EIF2S1: variants seen among roughly 807,000 people sequenced by gnomAD.
The protein encoded by EIF2S1 is eukaryotic translation initiation factor 2 subunit alpha, also known as eukaryotic translation initiation factor 2 subunit 1.
EIF2S1 carries 5 observed loss-of-function variants against 33.5 expected under a neutral mutation model. That is an observed-to-expected ratio of 0.15 (90% CI 0.08 to 0.31). The LOEUF (loss-of-function observed/expected upper bound fraction) is 0.31. Among genes scored for constraint, EIF2S1 ranks in the 10% least tolerant of loss-of-function variants. EIF2S1 has a pLI of 1.00. For synonymous variants in EIF2S1, 99 were observed against 127.5 expected, an observed-to-expected ratio of 0.78 and a Z score of 1.51; for missense variants, 191 against 384.6, an observed-to-expected ratio of 0.50 and a Z score of 4.21.
At position 67,383,562 on chromosome 14, in the gene EIF2S1, A is replaced by G. The variant is rs2085902052; in HGVS notation, c.*122A>G. On this transcript the variant is annotated 3_prime_UTR_variant, in exon 8 of 8. Transcript: ENST00000256383. ...AGCTGAATATTTTTTATTTCTAAGT[A>G]TTTAAATGTTCTAACAGATCAGAAC... 7.2e-7 allele frequency: 1 copy of G among 1,389,262 alleles called. No individual in the cohort carries two copies. Among genetic ancestry groups the G allele is most frequent in the Non-Finnish European group, 9.8e-7 (1 of 1,016,042 alleles). The allele number at this position is 1,389,262 out of a possible 1,614,324, so 86.1% of individuals were successfully genotyped here.
At chr14:67,366,677 A>T (rs945629853) in intron 2 of EIF2S1, among the ~76,000 whole-genome samples, 3 of 152,194 alleles carry the variant, frequency 2.0e-5, no homozygotes, top group East Asian at 3.9e-4. Context: ...TGTAGAGAGG[A>T]TTCATTTTGA....
chr14:67,369,104 AG>A (rs1308266754), intron 2 of EIF2S1, among the ~76,000 whole-genome samples: 12 of 152,226 alleles, frequency 7.9e-5, no homozygotes, highest in African/African-American at 2.7e-4. Flanking sequence ...AGAGATTGTT[AG>A]GATGAATTAA....
rs755970548 is a variant in EIF2S1 at position 67,364,953 on chromosome 14, C to T, written c.186C>T (p.Leu62=). 6.2e-6 allele frequency: 10 copies of T among 1,613,962 alleles called. No individual in the cohort carries two copies. Among genetic ancestry groups the T allele is most frequent in the South Asian group, 2.2e-5 (2 of 91,068 alleles). ...GGCGTATCCGTTCTATCAACAAACT[C>T]ATCCGAATTGGCAGGAATGAGTGTG... ...SRRRIRSINK[L]IRIGRNECVV... is the part of the protein sequence containing the mutation. Residue 62 remains leucine (L), a synonymous_variant, in exon 2 of 8, where the codon CTC becomes CTT. Coordinates refer to ENST00000256383, the MANE Select transcript of EIF2S1 (RefSeq NM_004094.5).
intron 3 of EIF2S1, among the ~76,000 whole-genome samples, chr14:67,375,880 T>C (rs1047651495): frequency 4.6e-5 from 7 of 152,198 alleles, no homozygotes; most frequent in Admixed American, 2.6e-4. Context: ...AAAATGAGTG[T>C]GTTAATAGAT....
chr14:67,380,061 T>C (rs938600369), intron 4 of EIF2S1, among the ~76,000 whole-genome samples: 1 of 152,218 alleles, frequency 6.6e-6, no homozygotes, highest in Non-Finnish European at 1.5e-5. Flanking sequence ...CCCAGCCTTA[T>C]GTATCATAAC....
Position 67,385,125 on chromosome 14 carries a change from A to G in EIF2S1, c.*1685A>G, listed in dbSNP as rs2085913281. 6.6e-6 allele frequency: 1 copy of G among 152,220 alleles called. No individual in the cohort carries two copies. Among genetic ancestry groups the G allele is most frequent in the African/African-American group, 2.4e-5 (1 of 41,446 alleles). The allele number at this position is 152,220 out of a possible 1,614,324, so 9.4% of individuals were successfully genotyped here. ...TTTGTAAATTGACCCTAGCCAGAGA[A>G]TAGATCAGTATTTCACTGATACCAC... On this transcript the variant is annotated 3_prime_UTR_variant, in exon 8 of 8. Coordinates refer to ENST00000256383, the MANE Select transcript of EIF2S1 (RefSeq NM_004094.5).
chr14:67,361,912 T>C (rs551903209), intron 1 of EIF2S1, among the ~76,000 whole-genome samples: 1 of 152,368 alleles, frequency 6.6e-6, no homozygotes, highest in East Asian at 1.9e-4. Flanking sequence ...TTCCTGTTCA[T>C]TGCTTCACTG....
intron 2 of EIF2S1, among the ~76,000 whole-genome samples, chr14:67,366,466 G>A (rs530574859): frequency 6.6e-6 from 1 of 152,292 alleles, no homozygotes; most frequent in East Asian, 1.9e-4. Flanking sequence ...ACTTGCTTAC[G>A]TACAGTAGAT....
chr14:67,370,783 T>C (rs1200903368), intron 2 of EIF2S1, among the ~76,000 whole-genome samples: 3 of 152,154 alleles, frequency 2.0e-5, no homozygotes, highest in African/African-American at 7.2e-5. Flanking sequence ...TCCAGCACTT[T>C]GGGAGGTTGA....
At chr14:67,364,611 C>T (rs1566609278) in intron 1 of EIF2S1, 156 bp from the exon 2 acceptor site, 8 of 686,542 alleles carry the variant, frequency 1.2e-5, no homozygotes, top group Admixed American at 3.5e-5. Flanking sequence ...TATCTGTTTT[C>T]TGGTACCACT....
At chr14:67,381,006 AAG>A (rs2085885016) in intron 5 of EIF2S1, among the ~76,000 whole-genome samples, 1 of 152,136 alleles carries the variant, frequency 6.6e-6, no homozygotes, top group South Asian at 2.1e-4. Flanking sequence ...TTTTTTTAAA[AAG>A]AGGGGTTTGA....
Position 67,374,602 on chromosome 14 carries a change from T to A in EIF2S1, c.321+55T>A, listed in dbSNP as rs116061873. 1,227 of 1,240,412 alleles carry A rather than the reference T, an allele frequency of 9.9e-4. 10 individuals carry two copies. The African/African-American group carries it at 0.016, about 16-fold the overall frequency. The allele number at this position is 1,240,412 out of a possible 1,614,324, so 76.8% of individuals were successfully genotyped here. A position where few individuals can be genotyped will look rare whatever the true frequency, so the allele number is the denominator to read the frequency against. On this transcript the variant is annotated intron_variant, in intron 3 of 7. Transcript: ENST00000256383. ...ACTATCTGTGTGTTTAATAAATAAT[T>A]TGAAATCTTAATTTCATACTGCTAC...
intron 2 of EIF2S1, among the ~76,000 whole-genome samples, chr14:67,371,941 G>A (rs2085824507): frequency 6.6e-6 from 1 of 152,178 alleles, no homozygotes; most frequent in Non-Finnish European, 1.5e-5. Flanking sequence ...CAAGTGGAGT[G>A]TATGGAATGC....
chr14:67,380,779 TA>T lies in EIF2S1; in HGVS notation c.580+17del. 7.0e-7 allele frequency: 1 copy of T among 1,430,800 alleles called. No individual in the cohort carries two copies. 88.6% of individuals were successfully genotyped at this position (1,430,800 alleles called of 1,614,324 possible). On this transcript the variant is annotated intron_variant, in intron 5 of 7. Coordinates refer to ENST00000256383, the MANE Select transcript of EIF2S1 (RefSeq NM_004094.5). ...AAATTCGAGCAGGTAAATGATTTTT[TA>T]AATGATTTTTACAGTATTTTGCATG... is the stretch of plus-strand genomic sequence containing the variant.
chr14:67,364,710 T>A (rs1260743569), intron 1 of EIF2S1, 57 bp from the exon 2 acceptor site: 1 of 1,504,262 alleles, frequency 6.6e-7, no homozygotes, highest in East Asian at 2.4e-5. Flanking sequence ...GAAATTGATT[T>A]TTTTTTTATT....
At chr14:67,382,901 G>A (rs918916217) in intron 7 of EIF2S1, among the ~76,000 whole-genome samples, 14 of 140,766 alleles carry the variant, frequency 9.9e-5, no homozygotes, top group African/African-American at 3.4e-4. Flanking sequence ...GTGTACGTGC[G>A]TGCGTGCGTG....
At chr14:67,379,654 C>CTTTTTTTTTT (rs541791101) in intron 4 of EIF2S1, among the ~76,000 whole-genome samples, 2,666 of 119,514 alleles carry the variant, frequency 0.022, 227 homozygotes, top group East Asian at 0.17. Flanking sequence ...TTTTCTTTTT[C>CTTTTTTTTTT]TTTTTTTTTT....
At chr14:67,367,911 G>A (rs1595644839) in intron 2 of EIF2S1, among the ~76,000 whole-genome samples, 1 of 151,796 alleles carries the variant, frequency 6.6e-6, no homozygotes, top group South Asian at 2.1e-4. Context: ...AAAATATATA[G>A]GTAAATGTAA....
chr14:67,374,964 G>A (rs1336478806), intron 3 of EIF2S1, among the ~76,000 whole-genome samples: 1 of 152,168 alleles, frequency 6.6e-6, no homozygotes, highest in Admixed American at 6.5e-5. Context: ...ACAACCAGCT[G>A]TTATATGTTA....
Sources: gnomAD v4.1 joint callset for allele counts (sites outside exome capture counted in the v4.1 genomes callset) on GRCh38, gnomAD v4.1.1 for gene constraint, MANE v1.5 for transcripts, NCBI Gene and HGNC (gene_info 2026-07-23, HGNC 2026-07-21) for gene names.